The following LRP2 variants were observed in gnomAD, a reference collection of about 807,000 sequenced individuals.
LRP2 encodes LDL receptor related protein 2.
In LRP2, 172 loss-of-function variants were observed where a neutral mutation model predicts 531.0. The observed-to-expected ratio is 0.32, with a 90% confidence interval of 0.29 to 0.37. The LOEUF (loss-of-function observed/expected upper bound fraction) is 0.37, where lower values mean the gene tolerates loss of function less well. Among genes scored for constraint, LRP2 ranks in the 10% least tolerant of loss-of-function variants. The pLI is 1.00. For missense variants in LRP2, 5,167 were observed against 5,868.3 expected, an observed-to-expected ratio of 0.88 and a Z score of 3.90; for synonymous variants, 1,992 against 2,027.6, an observed-to-expected ratio of 0.98 and a Z score of 0.47.
intron 46 of LRP2, 26 bp from the exon 47 acceptor site, chr2:169,193,918 T>TG (rs1162558177): frequency 6.2e-7 from 1 of 1,613,812 alleles, no homozygotes; most frequent in African/African-American, 1.3e-5. Flanking sequence ...GCATTCTCAG[T>TG]GAAAAAAAGT....
chr2:169,242,188 C>CTT (rs10622620), intron 24 of LRP2, among the ~76,000 whole-genome samples: 73,889 of 151,874 alleles, frequency 0.49, 18,781 homozygotes, highest in South Asian at 0.65. Flanking sequence ...TGAAAACTTA[C>CTT]TTTTTTGGTC....
chr2:169,343,574 A>G (rs1209669094), intron 1 of LRP2, among the ~76,000 whole-genome samples: 3 of 152,178 alleles, frequency 2.0e-5, no homozygotes, highest in Non-Finnish European at 4.4e-5. Context: ...CCAGGTACCT[A>G]TAAGGTAGAA....
intron 59 of LRP2, among the ~76,000 whole-genome samples, 169 bp downstream of exon 59, chr2:169,170,382 A>G (rs1171906391): frequency 6.6e-6 from 1 of 152,230 alleles, no homozygotes; most frequent in Admixed American, 6.5e-5. Flanking sequence ...CTATGAGTTA[A>G]GAATAATGCA....
At position 169,152,779 on chromosome 2, in the gene LRP2, G is replaced by A. The variant is rs368683982; in HGVS notation, c.12461+20C>T. Reference sequence around the variant, plus strand: ...CCAGGAAAACAGAACAGGTAAGGGGGGAATGTATGGCAAATTTACCTTCCA... The same window carrying A: ...CCAGGAAAACAGAACAGGTAAGGGGAGAATGTATGGCAAATTTACCTTCCA... On this transcript the variant is annotated intron_variant, in intron 67 of 78. Transcript: ENST00000649046. 1.9e-5 allele frequency: 30 copies of A among 1,613,614 alleles called. No homozygotes were observed. The African/African-American group carries it at 3.7e-4, about 20-fold the overall frequency.
chr2:169,257,420 T>G (rs1559042455), intron 17 of LRP2, among the ~76,000 whole-genome samples, 171 bp from the exon 18 acceptor site: 2 of 152,146 alleles, frequency 1.3e-5, no homozygotes, highest in Non-Finnish European at 2.9e-5. Flanking sequence ...TCAGTTAAAA[T>G]TTAGTTAACA....
chr2:169,244,796 G>A lies in LRP2; in HGVS notation c.3327C>T (p.Cys1109=). ...HNCPTHAPAS[C]LDTQYTCDNH... ...TATCACAGGTGTATTGGGTGTCAAGGCAGGAAGCAGGTGCGTGGGTGGGGC... is the reference window on the plus strand; with the variant it reads ...TATCACAGGTGTATTGGGTGTCAAGACAGGAAGCAGGTGCGTGGGTGGGGC... Residue 1109 remains cysteine (C), a synonymous_variant, in exon 22 of 79, where the codon TGC becomes TGT. Transcript: ENST00000649046. 1 of 1,614,238 alleles carries A rather than the reference G, an allele frequency of 6.2e-7. No individual in the cohort carries two copies. Among genetic ancestry groups the A allele is most frequent in the Non-Finnish European group, 8.5e-7 (1 of 1,180,044 alleles).
At chr2:169,146,989 T>C in intron 68 of LRP2, 30 bp from the exon 69 acceptor site, 1 of 1,524,068 alleles carries the variant, frequency 6.6e-7, no homozygotes, top group Non-Finnish European at 9.0e-7. Flanking sequence ...CACTGTAGCA[T>C]CTCACCTGGT....
intron 1 of LRP2, among the ~76,000 whole-genome samples, chr2:169,345,597 C>T (rs1255002403): frequency 6.6e-6 from 1 of 152,058 alleles, no homozygotes. Flanking sequence ...TATATACATG[C>T]ACTAACATTT....
chr2:169,362,296 C>T (rs752536950), intron 1 of LRP2, 25 bp downstream of exon 1: 10 of 1,542,544 alleles, frequency 6.5e-6, no homozygotes, highest in Non-Finnish European at 8.8e-6. Context: ...GGGGGCTCCA[C>T]GAGAGGCTCT....
intron 37 of LRP2, 123 bp downstream of exon 37, chr2:169,211,845 T>A: frequency 7.4e-7 from 1 of 1,354,704 alleles, no homozygotes; most frequent in South Asian, 1.2e-5. Flanking sequence ...CCAGTTGATT[T>A]AAAGGGAAAG....
chr2:169,226,666 T>C, intron 31 of LRP2, 78 bp from the exon 32 acceptor site: 2 of 1,056,942 alleles, frequency 1.9e-6, no homozygotes, highest in South Asian at 2.6e-5. Context: ...GGCAATAGCC[T>C]GTTACCATCA....
At chr2:169,317,175 T>A (rs546713575) in intron 3 of LRP2, among the ~76,000 whole-genome samples, 2 of 152,292 alleles carry the variant, frequency 1.3e-5, no homozygotes, top group South Asian at 4.2e-4. Flanking sequence ...TAAACTTATC[T>A]CCAGTCTCTT....
In LRP2 at chr2:169,338,385, A is replaced by G. The variant is rs541980701; in HGVS notation, c.80-17501T>C. Among the ~76,000 whole-genome samples, 515 of 128,766 alleles carry G rather than the reference A, an allele frequency of 4.0e-3. 4 individuals carry two copies. Among genetic ancestry groups the G allele is most frequent in the African/African-American group, 0.015 (481 of 33,118 alleles). The allele number at this position is 128,766 out of a possible 152,430, so 84.5% of individuals were successfully genotyped here. A position where few individuals can be genotyped will look rare whatever the true frequency, so the allele number is the denominator to read the frequency against. On this transcript the variant is annotated intron_variant, in intron 1 of 78. Coordinates refer to ENST00000649046, the MANE Select transcript of LRP2 (RefSeq NM_004525.3). ...GAAAGAAAGAAAGAAAGAAAGAAAG[A>G]AAGAAAGAAAGAAAGAAAGAAAGAA...
intron 46 of LRP2, among the ~76,000 whole-genome samples, chr2:169,194,329 C>G (rs947690640): frequency 6.6e-6 from 1 of 152,164 alleles, no homozygotes; most frequent in Non-Finnish European, 1.5e-5. Flanking sequence ...TTAGCACCAC[C>G]TTTCAACATA....
At chr2:169,299,106 A>T (rs191110807) in intron 4 of LRP2, among the ~76,000 whole-genome samples, 3 of 42,822 alleles carry the variant, frequency 7.0e-5, no homozygotes, top group African/African-American at 2.8e-4. Flanking sequence ...AAAGAAAGAA[A>T]GAAAGAAAGA....
At chr2:169,323,655 A>G (rs1233509578) in intron 1 of LRP2, among the ~76,000 whole-genome samples, 1 of 151,696 alleles carries the variant, frequency 6.6e-6, no homozygotes, top group African/African-American at 2.4e-5. Flanking sequence ...TAAGGGGATG[A>G]TTTCATACAT....
intron 30 of LRP2, 131 bp from the exon 31 acceptor site, chr2:169,231,973 G>A: frequency 9.4e-7 from 1 of 1,069,504 alleles, no homozygotes; most frequent in East Asian, 2.7e-5. Flanking sequence ...TACCTCTGTT[G>A]TTTTCTTTTG....
intron 1 of LRP2, among the ~76,000 whole-genome samples, chr2:169,334,150 T>G (rs1685339849): frequency 6.6e-6 from 1 of 152,196 alleles, no homozygotes; most frequent in African/African-American, 2.4e-5. Flanking sequence ...TTCCTAAGAT[T>G]TTGCCTAATC....
chr2:169,264,246 A>G (rs985454534), intron 16 of LRP2, among the ~76,000 whole-genome samples: 1 of 151,880 alleles, frequency 6.6e-6, no homozygotes, highest in African/African-American at 2.4e-5. Flanking sequence ...AAGTATAATA[A>G]TAAATAAATA....
Sources: gnomAD v4.1 joint callset for allele counts (sites outside exome capture counted in the v4.1 genomes callset) on GRCh38, gnomAD v4.1.1 for gene constraint, MANE v1.5 for transcripts, NCBI Gene and HGNC (gene_info 2026-07-23, HGNC 2026-07-21) for gene names.